Variants in PCNX2 observed in about 807,000 individuals in gnomAD.
PCNX2 encodes the protein pecanex 2, also known as pecanex-like protein 2.
Under a neutral mutation model 223.8 loss-of-function variants are expected in PCNX2, and 168 were observed. The ratio of observed to expected loss-of-function variants is 0.75; its 90% CI spans 0.66 to 0.85. PCNX2 has a LOEUF of 0.85. Among genes scored for constraint, PCNX2 ranks in the 40% least tolerant of loss-of-function variants. PCNX2 has a pLI of 0.00. For missense variants in PCNX2, 2,507 were observed against 2,675.5 expected (o/e 0.94, Z 1.39); for synonymous variants, 1,006 against 1,052.6 (o/e 0.96, Z 0.86).
chr1:233,302,040 C>T, the PCNX2 span, among the ~76,000 whole-genome samples: 1 of 151,996 alleles, frequency 6.6e-6, no homozygotes, highest in Non-Finnish European at 1.5e-5. Context: ...GGGTAATGCC[C>T]CCGCCTTGGC....
chr1:233,209,023 AC>A (rs1318748851), intron 12 of PCNX2, among the ~76,000 whole-genome samples: 2 of 152,152 alleles, frequency 1.3e-5, no homozygotes, highest in East Asian at 3.8e-4. Context: ...CAACAGTGAA[AC>A]TTCCATTCAT....
intron 21 of PCNX2, among the ~76,000 whole-genome samples, chr1:233,132,154 G>A (rs1477836154): frequency 6.6e-6 from 1 of 152,030 alleles, no homozygotes; most frequent in Non-Finnish European, 1.5e-5. Flanking sequence ...TGGTCAGGCT[G>A]GTCTCGAACT....
Position 233,054,293 on chromosome 1 carries a change from A to G in PCNX2, c.4326T>C (p.Phe1442=). The G allele has an allele frequency of 6.2e-7, 1 of 1,613,864 alleles. No individual in the cohort carries two copies. Among genetic ancestry groups the G allele is most frequent in the Non-Finnish European group, 8.5e-7 (1 of 1,179,820 alleles). Reference sequence around the variant, plus strand: ...CTCGGAATTCCAGTCCTCGAAGTTGAAAGGTGACAAGACCATTTCCAATTT... The same window carrying G: ...CTCGGAATTCCAGTCCTCGAAGTTGGAAGGTGACAAGACCATTTCCAATTT... ...LIEIGNGLVT[F]QLRGLEFRGT... The change falls in exon 25 of 34, where the codon TTT becomes TTC. Residue 1442 remains phenylalanine, a synonymous_variant. Coordinates refer to ENST00000258229, the MANE Select transcript of PCNX2 (RefSeq NM_014801.4).
At chr1:233,212,032 T>A (rs1572086421) in intron 12 of PCNX2, among the ~76,000 whole-genome samples, 1 of 152,226 alleles carries the variant, frequency 6.6e-6, no homozygotes, top group East Asian at 1.9e-4. Context: ...TGTTTTATCA[T>A]TTCTCACAAT....
chr1:233,174,585 A>G (rs1679360352), intron 17 of PCNX2, among the ~76,000 whole-genome samples: 1 of 152,010 alleles, frequency 6.6e-6, no homozygotes, highest in African/African-American at 2.4e-5. Context: ...AAAAATCTAG[A>G]TATTATAACC....
chr1:233,039,303 C>T (rs904743454), intron 25 of PCNX2, among the ~76,000 whole-genome samples: 1 of 152,062 alleles, frequency 6.6e-6, no homozygotes, highest in African/African-American at 2.4e-5. Flanking sequence ...GGCCGTGGAC[C>T]TTGGGGTCAG....
At chr1:233,246,314 T>C (rs1332966745) in intron 8 of PCNX2, among the ~76,000 whole-genome samples, 1 of 152,166 alleles carries the variant, frequency 6.6e-6, no homozygotes, top group Non-Finnish European at 1.5e-5. Context: ...ACCACTCCTC[T>C]CTACCATTCC....
At chr1:233,262,011 T>C (rs1383272057) in intron 3 of PCNX2, 34 bp downstream of exon 3, 4 of 1,611,996 alleles carry the variant, frequency 2.5e-6, no homozygotes, top group South Asian at 1.1e-5. Flanking sequence ...CGAAATCACA[T>C]GAAGAGGGTG....
In PCNX2 at chr1:233,236,876, A is replaced by C. The variant is rs573209361; in HGVS notation, c.2327T>G (p.Val776Gly). 3.1e-6 allele frequency: 5 copies of C among 1,613,958 alleles called. No individual in the cohort carries two copies. The South Asian group carries it at 4.4e-5, about 14-fold the overall frequency. The change falls in exon 9 of 34, where the codon GTG becomes GGG. Residue 776 changes from valine to glycine, a missense_variant. By Grantham distance (109) the Val-to-Gly change is moderately radical. Around this residue, in one of 3 missense-constraint regions of PCNX2, gnomAD observed 1,031 missense variants for 1,021.7 expected, o/e 1.01. Transcript: ENST00000258229. ...SALQQQLLLMVARRTQSETPR... is the reference protein window; with the variant it reads ...SALQQQLLLMGARRTQSETPR... ...GGTTTCCGACTGGGTCCTGCGAGCCACCATCAGTAACAGCTGTTGCTGAAG... is the reference window on the plus strand; with the variant it reads ...GGTTTCCGACTGGGTCCTGCGAGCCCCCATCAGTAACAGCTGTTGCTGAAG...
chr1:233,123,884 T>C (rs1675948484), intron 21 of PCNX2, among the ~76,000 whole-genome samples: 1 of 152,236 alleles, frequency 6.6e-6, no homozygotes, highest in Admixed American at 6.5e-5. Flanking sequence ...ATAGTCATTC[T>C]GTAGATTCCC....
intron 21 of PCNX2, among the ~76,000 whole-genome samples, chr1:233,124,106 C>A (rs752923781): frequency 1.3e-5 from 2 of 152,118 alleles, no homozygotes; most frequent in Non-Finnish European, 2.9e-5. Context: ...TTCTCATTCT[C>A]GTTTTCTGTC....
intron 28 of PCNX2, among the ~76,000 whole-genome samples, chr1:233,013,461 A>G (rs1022772387): frequency 2.0e-5 from 3 of 152,188 alleles, no homozygotes; most frequent in African/African-American, 4.8e-5. Flanking sequence ...CAAGAAGGAC[A>G]TTTGGAAACA....
chr1:233,132,633 A>T (rs941915489), intron 21 of PCNX2, among the ~76,000 whole-genome samples: 2 of 152,166 alleles, frequency 1.3e-5, no homozygotes, highest in African/African-American at 4.8e-5. Context: ...CAGTGTGGAA[A>T]AGTGGCCACA....
At chr1:233,144,074 G>A (rs1450304214) in intron 19 of PCNX2, among the ~76,000 whole-genome samples, 1 of 152,054 alleles carries the variant, frequency 6.6e-6, no homozygotes, top group African/African-American at 2.4e-5. Context: ...CCAGCTACTT[G>A]GGAGGCTGAA....
chr1:233,082,438 T>C (rs16858626), intron 23 of PCNX2, among the ~76,000 whole-genome samples: 14,546 of 152,196 alleles, frequency 0.096, 762 homozygotes, highest in East Asian at 0.16. Context: ...ATCTCAGCAG[T>C]AACTAAAACA....
At chr1:233,120,200 A>G (rs1306971494) in intron 21 of PCNX2, among the ~76,000 whole-genome samples, 1 of 140,008 alleles carries the variant, frequency 7.1e-6, no homozygotes, top group African/African-American at 2.8e-5. Flanking sequence ...AAAAAGAAAA[A>G]AGAAAAAAAA....
At chr1:233,153,967 T>C (rs1677966655) in intron 19 of PCNX2, among the ~76,000 whole-genome samples, 4 of 152,236 alleles carry the variant, frequency 2.6e-5, no homozygotes, top group Admixed American at 2.0e-4. Context: ...AAATGCAAAG[T>C]AAATCTCATT....
chr1:233,132,179 A>G (rs994471355), intron 21 of PCNX2, among the ~76,000 whole-genome samples: 10 of 151,974 alleles, frequency 6.6e-5, no homozygotes, highest in African/African-American at 2.4e-4. Context: ...ACCTCGGGTA[A>G]TCCACCCTCC....
rs1464815105 is a variant in PCNX2, at chr1:233,126,823, A to C, written c.3837+8190T>G. On this transcript the variant is annotated intron_variant, in intron 21 of 33. Transcript: ENST00000258229. This position sits in a 1 kb window ranked among gnomAD's most constrained non-coding sequence, Gnocchi z 4.8. ...ACATCAAAGCTAACATCCTTTTCCC[A>C]AAAACGTCTTTCTCTTCTTTATTAT... Among the ~76,000 whole-genome samples, 1 of 152,086 alleles carries C rather than the reference A, an allele frequency of 6.6e-6. No homozygotes were observed. Among genetic ancestry groups the C allele is most frequent in the Non-Finnish European group, 1.5e-5 (1 of 68,016 alleles).
Sources: allele counts gnomAD v4.1 joint callset (sites outside exome capture counted in the v4.1 genomes callset), GRCh38; gene constraint gnomAD v4.1.1; regional missense constraint gnomAD v4.1.1; non-coding constraint Gnocchi (gnomAD v3.1); transcripts MANE v1.5; gene names NCBI Gene and HGNC (gene_info 2026-07-23, HGNC 2026-07-21).